SYNJ1: variants seen among roughly 807,000 people sequenced by gnomAD.
SYNJ1 encodes the protein polyphosphatidylinositol phosphatase SYNJ1.
Under a neutral mutation model 168.2 loss-of-function variants are expected in SYNJ1, and 78 were observed. That is an observed-to-expected ratio of 0.46 (90% CI 0.39 to 0.56). The LOEUF (loss-of-function observed/expected upper bound fraction) is 0.56. SYNJ1 is among the 20% of genes least tolerant of loss of function. SYNJ1 has a pLI of 0.00. For synonymous variants in SYNJ1, 539 were observed against 548.6 expected, an observed-to-expected ratio of 0.98 and a Z score of 0.24; for missense variants, 1,303 against 1,597.6, an observed-to-expected ratio of 0.82 and a Z score of 3.14.
rs1045444869 is a variant in SYNJ1, at chr21:32,699,726, T to C, written c.479+112A>G. The C allele has an allele frequency of 2.3e-6, 3 of 1,299,092 alleles. No homozygotes were observed. In the African/African-American group the frequency reaches 4.5e-5, roughly 19 times the overall value. 80.5% of individuals were successfully genotyped at this position (1,299,092 alleles called of 1,614,324 possible). On this transcript the variant is annotated intron_variant, in intron 4 of 32. Coordinates refer to ENST00000674351, the MANE Select transcript of SYNJ1 (RefSeq NM_203446.3). ...TGCTGCTGAAAAGGGGCATCGAGGG[T>C]CTTCAGGGTTCTTCCTCCTTTCTTG... is the stretch of plus-strand genomic sequence containing the variant.
rs187264382 is a variant in SYNJ1 at position 32,688,397 on chromosome 21, C to G, written c.790-30G>C. 8 of 1,591,770 alleles carry G rather than the reference C, an allele frequency of 5.0e-6. No homozygotes were observed. In the African/African-American group the frequency reaches 9.4e-5, roughly 19 times the overall value. ...GACAAGAAAAATATATTTAATCAAACCAAAAACCAACATATAGACGAAAGA... is the reference window on the plus strand; with the variant it reads ...GACAAGAAAAATATATTTAATCAAAGCAAAAACCAACATATAGACGAAAGA... On this transcript the variant is annotated intron_variant, in intron 6 of 32. Coordinates refer to ENST00000674351, the MANE Select transcript of SYNJ1 (RefSeq NM_203446.3).
intron 2 of SYNJ1, among the ~76,000 whole-genome samples, chr21:32,719,823 T>C (rs1204711015): frequency 6.6e-6 from 1 of 151,946 alleles, no homozygotes; most frequent in East Asian, 1.9e-4. Flanking sequence ...ATAAATGTTC[T>C]ATTTTTTCTG....
At chr21:32,723,274 G>T (rs560888196) in intron 2 of SYNJ1, among the ~76,000 whole-genome samples, 1 of 152,212 alleles carries the variant, frequency 6.6e-6, no homozygotes, top group East Asian at 1.9e-4. Context: ...AAAATTTCAT[G>T]TTGGGTATCT....
Position 32,681,671 on chromosome 21 carries a change from T to G in SYNJ1, c.1201-23A>C, listed in dbSNP as rs183244873. The G allele has an allele frequency of 3.0e-4, 476 of 1,596,028 alleles. 2 individuals are homozygous for G. The African/African-American group carries it at 5.4e-3, about 18-fold the overall frequency. ...CATCTTAAAAAGCAAACAAGAAATTTTTATAAGTACATTAATATATTAATT... is the reference window on the plus strand; with the variant it reads ...CATCTTAAAAAGCAAACAAGAAATTGTTATAAGTACATTAATATATTAATT... On this transcript the variant is annotated intron_variant, in intron 10 of 32. Coordinates refer to ENST00000674351, the MANE Select transcript of SYNJ1 (RefSeq NM_203446.3).
chr21:32,700,222 G>A, intron 3 of SYNJ1, 117 bp from the exon 4 acceptor site: 1 of 1,206,754 alleles, frequency 8.3e-7, no homozygotes, highest in East Asian at 2.4e-5. Flanking sequence ...ACTTATCATG[G>A]ATGTGTTGAA....
chr21:32,721,056 T>C (rs1232677314), intron 2 of SYNJ1, among the ~76,000 whole-genome samples: 1 of 152,212 alleles, frequency 6.6e-6, no homozygotes, highest in Non-Finnish European at 1.5e-5. Context: ...AGAGACATCT[T>C]TTATCTCTTA....
chr21:32,663,347 A>G (rs1225059514), intron 18 of SYNJ1, among the ~76,000 whole-genome samples: 1 of 152,228 alleles, frequency 6.6e-6, no homozygotes, highest in African/African-American at 2.4e-5. Context: ...GGTACCACAA[A>G]AACAGTCACT....
chr21:32,644,372 G>A (rs943051379), intron 26 of SYNJ1, among the ~76,000 whole-genome samples: 1 of 152,210 alleles, frequency 6.6e-6, no homozygotes, highest in African/African-American at 2.4e-5. Flanking sequence ...AGCTACAATA[G>A]AAACAGACCA....
intron 10 of SYNJ1, among the ~76,000 whole-genome samples, chr21:32,683,504 A>G (rs1397750165): frequency 6.6e-6 from 1 of 152,064 alleles, no homozygotes; most frequent in African/African-American, 2.4e-5. Flanking sequence ...GAGAAGTTGA[A>G]TTGCATTCAT....
At chr21:32,664,559 A>T (rs2040846163) in intron 18 of SYNJ1, among the ~76,000 whole-genome samples, 2 of 151,008 alleles carry the variant, frequency 1.3e-5, no homozygotes, top group Admixed American at 6.6e-5. Context: ...CCAGTCCCAT[A>T]CCCCCTGCTT....
Position 32,701,944 on chromosome 21 carries a change from C to A in SYNJ1, c.211+17G>T. 6.7e-7 allele frequency: 1 copy of A among 1,503,602 alleles called. No individual in the cohort carries two copies. The highest frequency in any genetic ancestry group is 9.0e-7 in the Non-Finnish European group (1 of 1,113,642). 93.1% of individuals were successfully genotyped at this position (1,503,602 alleles called of 1,614,324 possible). A position where few individuals can be genotyped will look rare whatever the true frequency, so the allele number is the denominator to read the frequency against. ...GAAATGAAAAAATGGATGAATTCTACTGAATGATAAACTTACCAAGATTTA... is the reference window on the plus strand; with the variant it reads ...GAAATGAAAAAATGGATGAATTCTAATGAATGATAAACTTACCAAGATTTA... On this transcript the variant is annotated intron_variant, in intron 3 of 32. Transcript: ENST00000674351.
intron 13 of SYNJ1, among the ~76,000 whole-genome samples, chr21:32,676,096 G>A (rs938891509): frequency 2.0e-5 from 3 of 152,162 alleles, no homozygotes; most frequent in Admixed American, 6.5e-5. Context: ...CTGGAATTAA[G>A]CAATTGCTAC....
In SYNJ1 at chr21:32,631,795, T is replaced by C. The variant is rs745519601; in HGVS notation, c.*10A>G. The C allele has an allele frequency of 6.2e-7, 1 of 1,606,710 alleles. No homozygotes were observed. The highest frequency in any genetic ancestry group is 1.1e-5 in the South Asian group (1 of 90,420). On this transcript the variant is annotated 3_prime_UTR_variant, in exon 33 of 33. Transcript: ENST00000674351. ...CTTTTGCCATCAGAGATTCCATTTG[T>C]TTTTACCTGCAAAAGAAAGGGAGCA...
intron 29 of SYNJ1, among the ~76,000 whole-genome samples, chr21:32,640,275 A>G (rs1408304753): frequency 2.6e-5 from 4 of 151,848 alleles, no homozygotes; most frequent in Non-Finnish European, 4.4e-5. Flanking sequence ...GACTTTGGGG[A>G]AAAAACACCC....
intron 31 of SYNJ1, among the ~76,000 whole-genome samples, chr21:32,635,645 G>A (rs762154957): frequency 2.6e-5 from 4 of 152,170 alleles, no homozygotes; most frequent in Admixed American, 6.5e-5. Context: ...AAATGGCAAT[G>A]TAATGGTACA....
At chr21:32,646,350 T>G in intron 24 of SYNJ1, 43 bp downstream of exon 24, 1 of 1,579,810 alleles carries the variant, frequency 6.3e-7, no homozygotes, top group Non-Finnish European at 8.7e-7. Context: ...TCAAGCACAT[T>G]GGCCACAGGA....
At chr21:32,653,199 G>A in intron 22 of SYNJ1, 89 bp downstream of exon 22, 1 of 1,036,448 alleles carries the variant, frequency 9.6e-7, no homozygotes, top group Middle Eastern at 2.1e-4. Context: ...CTCCCATTTA[G>A]ATAATCTTGC....
intron 23 of SYNJ1, among the ~76,000 whole-genome samples, chr21:32,647,300 C>T (rs191824968): frequency 6.6e-6 from 1 of 152,338 alleles, no homozygotes; most frequent in Non-Finnish European, 1.5e-5. Context: ...TCCATTCTTC[C>T]ATTTCCTGAA....
intron 32 of SYNJ1, among the ~76,000 whole-genome samples, chr21:32,633,060 TA>T (rs977501856): frequency 2.0e-5 from 3 of 152,064 alleles, no homozygotes; most frequent in African/African-American, 4.8e-5. Context: ...CAACTTTCCA[TA>T]AAAAAATTGA....
Sources: gnomAD v4.1 joint callset for allele counts (sites outside exome capture counted in the v4.1 genomes callset) on GRCh38, gnomAD v4.1.1 for gene constraint, MANE v1.5 for transcripts, NCBI Gene and HGNC (gene_info 2026-07-23, HGNC 2026-07-21) for gene names.